CCDC24: variants seen among roughly 807,000 people sequenced by gnomAD.
CCDC24 encodes the protein coiled-coil domain-containing protein 24.
A neutral mutation model predicts 31.6 loss-of-function variants in CCDC24; 34 were observed. The ratio of observed to expected loss-of-function variants is 1.08; its 90% CI spans 0.82 to 1.43. The LOEUF (loss-of-function observed/expected upper bound fraction) is 1.43. Among genes scored for constraint, CCDC24 ranks in the 40% most tolerant of loss-of-function variants. The pLI, the probability that CCDC24 is intolerant of heterozygous loss-of-function variation, is 0.00. For missense variants in CCDC24, 426 were observed against 391.1 expected, an observed-to-expected ratio of 1.09 and a Z score of -0.75; for synonymous variants, 175 against 157.3, an observed-to-expected ratio of 1.11 and a Z score of -0.84.
rs1020561726 is a variant in CCDC24, at chr1:43,995,870, G to C, written c.701+14G>C. 6.2e-7 allele frequency: 1 copy of C among 1,614,074 alleles called. No homozygotes were observed. The highest frequency in any genetic ancestry group is 1.3e-5 in the African/African-American group (1 of 74,928). Reference sequence around the variant, plus strand: ...TCCCAACCACAGGTAAACCACAACAGTAGACACAGGGCAGGGTGGACTGAA... The same window carrying C: ...TCCCAACCACAGGTAAACCACAACACTAGACACAGGGCAGGGTGGACTGAA... On this transcript the variant is annotated intron_variant, in intron 8 of 8. Transcript: ENST00000372318. This position sits in a 1 kb window ranked among gnomAD's most constrained non-coding sequence, Gnocchi z 4.3.
intron 4 of CCDC24, among the ~76,000 whole-genome samples, chr1:43,993,578 T>C (rs1046564736): frequency 2.0e-5 from 3 of 149,382 alleles, no homozygotes; most frequent in Non-Finnish European, 3.0e-5. Context: ...GCCCGGGATG[T>C]CAAGGCTGCA....
At chr1:43,994,442 C>CTTTCTTT (rs560870706) in intron 5 of CCDC24, 3 of 143,164 alleles carry the variant, frequency 2.1e-5, no homozygotes, top group Admixed American at 6.8e-5. Flanking sequence ...TTCTTTCTTT[C>CTTTCTTT]TTTTTTTTTT....
In CCDC24 at chr1:43,996,329, C is replaced by G; in HGVS notation, c.*169C>G. On this transcript the variant is annotated 3_prime_UTR_variant, in exon 9 of 9. Coordinates refer to ENST00000372318, the MANE Select transcript of CCDC24 (RefSeq NM_152499.4). ...CTTGCCCCACCCCCTTGCCAGATCC[C>G]TGGTGTCTGGAGCTGAGTGGCCGGG... 1 of 625,670 alleles carries G rather than the reference C, an allele frequency of 1.6e-6. No homozygotes were observed. The highest frequency in any genetic ancestry group is 2.9e-5 in the East Asian group (1 of 34,906). 38.8% of individuals were successfully genotyped at this position (625,670 alleles called of 1,614,324 possible).
chr1:43,993,224 T>A (rs1295208936), intron 4 of CCDC24, among the ~76,000 whole-genome samples: 2 of 151,834 alleles, frequency 1.3e-5, no homozygotes, highest in Non-Finnish European at 2.9e-5. Context: ...GAGGATGGCT[T>A]GAGGCCAGGA....
chr1:43,991,933 C>T lies in CCDC24; in HGVS notation c.55C>T (p.Arg19Trp), dbSNP rs756372978. 1 of 1,542,374 alleles carries T rather than the reference C, an allele frequency of 6.5e-7. No individual in the cohort carries two copies. The highest frequency in any genetic ancestry group is 8.8e-7 in the Non-Finnish European group (1 of 1,140,856). The change falls in exon 2 of 9, where the codon CGG (arginine) becomes TGG (tryptophan). Residue 19 changes from arginine to tryptophan, a missense_variant. By Grantham distance (101) the Arg-to-Trp change is moderately radical. Coordinates refer to ENST00000372318, the MANE Select transcript of CCDC24 (RefSeq NM_152499.4). The stretch of plus-strand genomic sequence containing the variant: ...GCTGGTGGAGGAGCACGTTCCGCTC[C>T]GGGAGCGACGCGAAGTGAAGAGGAT... ...WELVEEHVPL[R>W]ERREVKRILG...
In CCDC24 at chr1:43,991,722, C is replaced by T. The variant is rs760392434; in HGVS notation, c.-57C>T. The stretch of plus-strand genomic sequence containing the variant: ...CAGTTCCGGAACGGGCAATCCCAGC[C>T]GAGGGGACCAGCGGCAGAGCACGGG... On this transcript the variant is annotated 5_prime_UTR_variant, in exon 1 of 9. Coordinates refer to ENST00000372318, the MANE Select transcript of CCDC24 (RefSeq NM_152499.4). The T allele has an allele frequency of 2.0e-6, 2 of 997,410 alleles. No individual in the cohort carries two copies. Among genetic ancestry groups the T allele is most frequent in the East Asian group, 2.6e-5 (1 of 38,440 alleles). 61.8% of individuals were successfully genotyped at this position (997,410 alleles called of 1,614,324 possible).
chr1:43,996,480 C>A lies in CCDC24; in HGVS notation c.*320C>A. The A allele has an allele frequency of 2.8e-6, 1 of 353,966 alleles. No homozygotes were observed. Among genetic ancestry groups the A allele is most frequent in the Non-Finnish European group, 5.1e-6 (1 of 195,996 alleles). 21.9% of individuals were successfully genotyped at this position (353,966 alleles called of 1,614,324 possible). On this transcript the variant is annotated 3_prime_UTR_variant, in exon 9 of 9. Transcript: ENST00000372318. ...GGGGACCCAGACAAAGCACAGCAGC[C>A]GCTCAGAGACAGGAATAGAAATTTC...
Position 43,995,157 on chromosome 1 carries a change from C to A in CCDC24, c.547C>A (p.Leu183Met). The A allele has an allele frequency of 6.4e-7, 1 of 1,573,444 alleles. No individual in the cohort carries two copies. The change falls in exon 6 of 9, where the codon CTG becomes ATG. Residue 183 changes from leucine (L) to methionine (M), a missense_variant. Transcript: ENST00000372318. The surrounding 1 kb of genome is among the most constrained non-coding windows in gnomAD (Gnocchi z 4.3). ...CHTLEREILI[L>M]QRCLEEEYLR... ...CACCTTGGAGAGGGAGATCCTCATCCTGCAGGTGAGCCGCAGCCCTGGGCC... is the reference window on the plus strand; with the variant it reads ...CACCTTGGAGAGGGAGATCCTCATCATGCAGGTGAGCCGCAGCCCTGGGCC...
chr1:43,992,063 C>A (rs752981850), intron 2 of CCDC24, 59 bp downstream of exon 2: 2 of 1,328,234 alleles, frequency 1.5e-6, no homozygotes. Context: ...GGTGATTTCC[C>A]ACCTCTGCGG....
chr1:43,993,855 C>A, intron 4 of CCDC24, 32 bp from the exon 5 acceptor site: 1 of 1,609,776 alleles, frequency 6.2e-7, no homozygotes, highest in Non-Finnish European at 8.5e-7. Flanking sequence ...GGGTGAGCAA[C>A]ATGCGGAGAG....
chr1:43,994,556 T>C lies in CCDC24; in HGVS notation c.498-552T>C, dbSNP rs576394685. 1.4e-3 allele frequency: 228 copies of C among 158,922 alleles called. 1 individual carries two copies. Among genetic ancestry groups the C allele is most frequent in the African/African-American group, 5.3e-3 (221 of 41,442 alleles). 9.8% of individuals were successfully genotyped at this position (158,922 alleles called of 1,614,324 possible). On this transcript the variant is annotated intron_variant, in intron 5 of 8. Transcript: ENST00000372318. ...CCCGGGTTCACACCATTCTCCTGCC[T>C]AAGCCTCCCGAGTAGCTGGGACTAC...
At position 43,991,887 on chromosome 1, in the gene CCDC24, G is replaced by A; in HGVS notation, c.9G>A (p.Arg3=). The A allele has an allele frequency of 2.6e-6, 4 of 1,552,408 alleles. No individual in the cohort carries two copies. The highest frequency in any genetic ancestry group is 2.6e-6 in the Non-Finnish European group (3 of 1,147,668). The part of the protein sequence containing the change: ML[R]HSPSLWELVE... ...GGCGGCGTCGGTGGGTCATGCTCCGGCACTCCCCCTCGCTGTGGGAGCTGG... is the reference window on the plus strand; with the variant it reads ...GGCGGCGTCGGTGGGTCATGCTCCGACACTCCCCCTCGCTGTGGGAGCTGG... Residue 3 remains arginine (R), a synonymous_variant, in exon 2 of 9, where the codon CGG becomes CGA. Transcript: ENST00000372318.
chr1:43,992,865 C>T (rs533521101), intron 4 of CCDC24, among the ~76,000 whole-genome samples: 2 of 152,240 alleles, frequency 1.3e-5, no homozygotes, highest in East Asian at 3.9e-4. Context: ...GTTTGATCTG[C>T]GTGTTGTAGT....
rs768814597 is a variant in CCDC24 at position 43,992,583 on chromosome 1, G to A, written c.363G>A (p.Glu121=). The A allele has an allele frequency of 1.1e-5, 17 of 1,614,236 alleles. No individual in the cohort carries two copies. In the East Asian group the frequency reaches 3.3e-4, roughly 32 times the overall value. ...SPRVLHFALE[E]PRCDLPEQEI... The stretch of plus-strand genomic sequence containing the variant: ...GGGTCCTGCACTTTGCCTTGGAGGA[G>A]CCCAGGTGTGATTTGCCAGAACAGG... Residue 121 remains glutamate, a synonymous_variant, in exon 4 of 9, where the codon GAG becomes GAA. Coordinates refer to ENST00000372318, the MANE Select transcript of CCDC24 (RefSeq NM_152499.4).
At chr1:43,992,463 G>A (rs2085763870) in intron 3 of CCDC24, 60 bp from the exon 4 acceptor site, 2 of 1,612,468 alleles carry the variant, frequency 1.2e-6, no homozygotes, top group African/African-American at 1.3e-5. Context: ...AGCCAGGGTT[G>A]CCTTTTCTGT....
intron 2 of CCDC24, 43 bp from the exon 3 acceptor site, chr1:43,992,169 C>A: frequency 6.4e-7 from 1 of 1,574,706 alleles, no homozygotes; most frequent in South Asian, 1.2e-5. Flanking sequence ...CCATTCCGGA[C>A]ACTCCCCTCC....
chr1:43,994,160 C>G, intron 5 of CCDC24, 196 bp downstream of exon 5: 1 of 576,618 alleles, frequency 1.7e-6, no homozygotes, highest in Non-Finnish European at 3.1e-6. Context: ...AGTACAGATG[C>G]CACGGCCGAG....
chr1:43,993,681 C>T (rs527562044), intron 4 of CCDC24: 24 of 509,416 alleles, frequency 4.7e-5, no homozygotes, highest in African/African-American at 3.7e-4. Context: ...GAAACTAAAG[C>T]TCAGAAGCGA....
At position 43,991,877 on chromosome 1, in the gene CCDC24, T is replaced by A; in HGVS notation, c.-2T>A. 6.4e-7 allele frequency: 1 copy of A among 1,551,788 alleles called. No homozygotes were observed. The highest frequency in any genetic ancestry group is 1.2e-5 in the South Asian group (1 of 84,228). ...AGCCGGGGACGGCGGCGTCGGTGGG[T>A]CATGCTCCGGCACTCCCCCTCGCTG... is the stretch of plus-strand genomic sequence containing the variant. On this transcript the variant is annotated 5_prime_UTR_variant, in exon 2 of 9. Coordinates refer to ENST00000372318, the MANE Select transcript of CCDC24 (RefSeq NM_152499.4).
Sources: allele counts gnomAD v4.1 joint callset (sites outside exome capture counted in the v4.1 genomes callset), GRCh38; gene constraint gnomAD v4.1.1; non-coding constraint Gnocchi (gnomAD v3.1); transcripts MANE v1.5; gene names NCBI Gene and HGNC (gene_info 2026-07-23, HGNC 2026-07-21).